Variants in NVL observed in about 807,000 individuals in gnomAD.
NVL encodes the protein nuclear valosin-containing protein-like.
NVL carries 84 observed loss-of-function variants against 110.2 expected under a neutral mutation model. The ratio of observed to expected loss-of-function variants is 0.76; its 90% CI spans 0.64 to 0.91. NVL has a LOEUF of 0.91. Ranked by LOEUF, NVL falls within the 40% of genes least tolerant of loss-of-function variation. The pLI is 0.00. For synonymous variants in NVL, 354 were observed against 361.1 expected (o/e 0.98, Z 0.22); for missense variants, 882 against 1,035.9 (o/e 0.85, Z 2.04).
intron 19 of NVL, among the ~76,000 whole-genome samples, chr1:224,241,864 A>T (rs931473561): frequency 6.6e-6 from 1 of 150,614 alleles, no homozygotes; most frequent in Admixed American, 6.6e-5. Context: ...CTCAAAAAAA[A>T]AAAAATAAAA....
chr1:224,322,842 C>T (rs538626176), intron 2 of NVL, among the ~76,000 whole-genome samples: 1 of 152,070 alleles, frequency 6.6e-6, no homozygotes, highest in African/African-American at 2.4e-5. Flanking sequence ...TAGTCCCAGC[C>T]CCTCGGGAGG....
chr1:224,263,951 G>T (rs879288689), intron 18 of NVL, among the ~76,000 whole-genome samples: 1 of 152,208 alleles, frequency 6.6e-6, no homozygotes, highest in Non-Finnish European at 1.5e-5. Context: ...GGAGGCAGAA[G>T]TTGCGGTGAG....
intron 20 of NVL, among the ~76,000 whole-genome samples, chr1:224,234,041 C>G (rs1389105830): frequency 6.6e-6 from 1 of 152,078 alleles, no homozygotes; most frequent in South Asian, 2.1e-4. Flanking sequence ...AGAAAACCCC[C>G]CAAAAAGTCA....
intron 1 of NVL, 134 bp from the exon 2 acceptor site, chr1:224,326,598 A>G: frequency 1.8e-6 from 1 of 563,766 alleles, no homozygotes; most frequent in South Asian, 2.8e-5. Context: ...CAGAAACATA[A>G]ATAAAAGTAA....
At chr1:224,252,592 T>C (rs927023038) in intron 18 of NVL, among the ~76,000 whole-genome samples, 2 of 152,208 alleles carry the variant, frequency 1.3e-5, no homozygotes, top group Non-Finnish European at 2.9e-5. Context: ...AACCACCTTA[T>C]GGAACCCATA....
chr1:224,275,523 A>G, intron 16 of NVL, 65 bp from the exon 17 acceptor site: 1 of 1,599,238 alleles, frequency 6.3e-7, no homozygotes. Context: ...GTCAAATGAT[A>G]CTAAACAGTT....
chr1:224,281,500 C>T (rs1258702992), intron 15 of NVL, among the ~76,000 whole-genome samples: 2 of 151,284 alleles, frequency 1.3e-5, no homozygotes, highest in Non-Finnish European at 2.9e-5. Flanking sequence ...TGGGGTTTCA[C>T]CATGTTAGCC....
chr1:224,245,215 A>G (rs1661676994), intron 19 of NVL, among the ~76,000 whole-genome samples: 1 of 152,180 alleles, frequency 6.6e-6, no homozygotes, highest in Admixed American at 6.5e-5. Context: ...AAAAATGCCA[A>G]TTTTCCTCAC....
At chr1:224,264,356 T>C (rs1233092829) in intron 18 of NVL, among the ~76,000 whole-genome samples, 1 of 151,204 alleles carries the variant, frequency 6.6e-6, no homozygotes, top group African/African-American at 2.4e-5. Flanking sequence ...TGATTCTCCT[T>C]CCTGCCTCAG....
At chr1:224,257,085 A>T (rs761163392) in intron 18 of NVL, 1 of 532,870 alleles carries the variant, frequency 1.9e-6, no homozygotes, top group African/African-American at 1.9e-5. Flanking sequence ...ACTTTGGGAA[A>T]TCTGGGAAGA....
At position 224,233,308 on chromosome 1, in the gene NVL, T is replaced by A; in HGVS notation, c.2367-19A>T. ...TGCGCCCCTACAATAAAATAATAGT[T>A]ATCTACTTATTCTTAGATACTGCAA... is the stretch of plus-strand genomic sequence containing the variant. On this transcript the variant is annotated intron_variant, in intron 20 of 22. Coordinates refer to ENST00000281701, the MANE Select transcript of NVL (RefSeq NM_002533.4). 6.3e-7 allele frequency: 1 copy of A among 1,578,268 alleles called. No individual in the cohort carries two copies. Among genetic ancestry groups the A allele is most frequent in the African/African-American group, 1.4e-5 (1 of 73,396 alleles).
chr1:224,271,907 G>C (rs543287463), intron 17 of NVL, among the ~76,000 whole-genome samples: 1 of 151,604 alleles, frequency 6.6e-6, no homozygotes, highest in Non-Finnish European at 1.5e-5. Flanking sequence ...CCAGCTACTC[G>C]GGAGGCTGAG....
chr1:224,259,449 C>T (rs1171005657), intron 18 of NVL, among the ~76,000 whole-genome samples: 1 of 152,004 alleles, frequency 6.6e-6, no homozygotes, highest in East Asian at 1.9e-4. Flanking sequence ...TGTAAATATA[C>T]TCAAAACCAT....
intron 17 of NVL, among the ~76,000 whole-genome samples, chr1:224,270,184 T>TA (rs1664943610): frequency 6.6e-6 from 1 of 151,924 alleles, no homozygotes; most frequent in Non-Finnish European, 1.5e-5. Context: ...AAGTAATGGG[T>TA]AAAAAACATT....
At chr1:224,230,960 C>G (rs1327028176) in intron 22 of NVL, among the ~76,000 whole-genome samples, 1 of 151,680 alleles carries the variant, frequency 6.6e-6, no homozygotes, top group African/African-American at 2.4e-5. Flanking sequence ...GGTGAAACCC[C>G]GTCTCTACTA....
At chr1:224,236,034 G>T (rs1208822354) in intron 20 of NVL, among the ~76,000 whole-genome samples, 4 of 151,924 alleles carry the variant, frequency 2.6e-5, no homozygotes, top group Non-Finnish European at 5.9e-5. Flanking sequence ...CCCCAAATTG[G>T]GAAAGTTAAC....
rs112243680 is a variant in NVL, at chr1:224,259,978, A to G, written c.2182+8056T>C. ...AGCCATCGCATCCAGCCGTAAACAA[A>G]TAATTATTGAGCTCTACTACATATC... On this transcript the variant is annotated intron_variant, in intron 18 of 22. Coordinates refer to ENST00000281701, the MANE Select transcript of NVL (RefSeq NM_002533.4). Among the ~76,000 whole-genome samples, 634 of 152,226 alleles carry G rather than the reference A, an allele frequency of 4.2e-3. 3 individuals are homozygous for G. Among genetic ancestry groups the G allele is most frequent in the African/African-American group, 0.015 (604 of 41,520 alleles).
chr1:224,281,719 G>A (rs1279877001), intron 15 of NVL, among the ~76,000 whole-genome samples: 43 of 151,598 alleles, frequency 2.8e-4, no homozygotes, highest in Non-Finnish European at 4.4e-4. Context: ...TTGGGAGGCC[G>A]AGGCGGGTGG....
At chr1:224,266,762 A>C (rs759354684) in intron 18 of NVL, among the ~76,000 whole-genome samples, 2 of 152,164 alleles carry the variant, frequency 1.3e-5, no homozygotes, top group African/African-American at 4.8e-5. Flanking sequence ...TGACCTAATG[A>C]CTGTTCCCAC....
Sources: allele counts gnomAD v4.1 joint callset (sites outside exome capture counted in the v4.1 genomes callset), GRCh38; gene constraint gnomAD v4.1.1; transcripts MANE v1.5; gene names NCBI Gene and HGNC (gene_info 2026-07-23, HGNC 2026-07-21).